NAALADL2: variants seen among roughly 807,000 people sequenced by gnomAD.
NAALADL2 encodes inactive N-acetylated-alpha-linked acidic dipeptidase-like protein 2.
A neutral mutation model predicts 87.2 loss-of-function variants in NAALADL2; 76 were observed. The observed-to-expected ratio is 0.87, with a 90% confidence interval of 0.72 to 1.05. The LOEUF (loss-of-function observed/expected upper bound fraction) is 1.05. Ranked by LOEUF, NAALADL2 falls within the 50% of genes least tolerant of loss-of-function variation. The pLI is 0.00. For synonymous variants in NAALADL2, 354 were observed against 331.0 expected (o/e 1.07, Z -0.75); for missense variants, 1,089 against 945.8 (o/e 1.15, Z -1.99).
chr3:175,423,207 ATTTTTCTTTTT>A (rs1372745621), intron 5 of NAALADL2, among the ~76,000 whole-genome samples: 2 of 138,472 alleles, frequency 1.4e-5, no homozygotes, highest in African/African-American at 5.4e-5. Context: ...AGAAGAATTT[ATTTTTCTTTTT>A]TTTTTCTTTT....
intron 4 of NAALADL2, among the ~76,000 whole-genome samples, chr3:175,259,155 C>A (rs1750587304): frequency 6.6e-6 from 1 of 152,162 alleles, no homozygotes; most frequent in South Asian, 2.1e-4. Flanking sequence ...TTCCATAGGA[C>A]AAGCACAGTA....
intron 2 of NAALADL2, among the ~76,000 whole-genome samples, chr3:175,123,036 A>T (rs754243613): frequency 2.6e-5 from 4 of 151,966 alleles, no homozygotes; most frequent in Non-Finnish European, 5.9e-5. Context: ...AATGACATTA[A>T]TCCATTTATG....
intron 1 of NAALADL2, among the ~76,000 whole-genome samples, chr3:174,961,368 T>G (rs1414598638): frequency 2.0e-5 from 3 of 151,942 alleles, no homozygotes; most frequent in African/African-American, 4.8e-5. Flanking sequence ...CAATCTTGAT[T>G]CTTTATAATA....
chr3:175,299,656 C>T (rs556901171), intron 4 of NAALADL2, among the ~76,000 whole-genome samples: 1 of 152,262 alleles, frequency 6.6e-6, no homozygotes, highest in East Asian at 1.9e-4. Context: ...TATCCTGAGA[C>T]TTTAGTGAAG....
In NAALADL2 at chr3:175,332,126, T is replaced by C. The variant is rs560998859; in HGVS notation, c.1090+7801T>C. 4.7e-4 allele frequency among the ~76,000 whole-genome samples: 72 copies of C among 152,264 alleles called. 1 individual carries two copies. The highest frequency in any genetic ancestry group is 4.0e-3 in the Admixed American group (61 of 15,298). Reference sequence around the variant, plus strand: ...ATCTTGTGCTCATGGACTGGAATAATTAATATTCTTAAAATGACCAAACTG... The same window carrying C: ...ATCTTGTGCTCATGGACTGGAATAACTAATATTCTTAAAATGACCAAACTG... On this transcript the variant is annotated intron_variant, in intron 5 of 13. Coordinates refer to ENST00000454872, the MANE Select transcript of NAALADL2 (RefSeq NM_207015.3).
chr3:174,523,825 T>C (rs377435842), intron 1 of NAALADL2, among the ~76,000 whole-genome samples: 263 of 152,358 alleles, frequency 1.7e-3, no homozygotes, highest in African/African-American at 5.7e-3. Context: ...AACGTAATTA[T>C]GTGTCTTATT....
intron 3 of NAALADL2, among the ~76,000 whole-genome samples, chr3:174,836,447 G>A (rs181715591): frequency 6.2e-4 from 95 of 152,172 alleles, no homozygotes; most frequent in African/African-American, 2.1e-3. Flanking sequence ...GAACTCTGCA[G>A]TTAAAAATGC....
intron 1 of NAALADL2, among the ~76,000 whole-genome samples, chr3:174,941,531 G>C (rs1738591042): frequency 6.6e-6 from 1 of 152,088 alleles, no homozygotes; most frequent in African/African-American, 2.4e-5. Context: ...CCAATAGTGA[G>C]TTCGGGTCCT....
intron 9 of NAALADL2, among the ~76,000 whole-genome samples, chr3:175,498,947 T>C (rs1419824983): frequency 6.6e-6 from 1 of 152,166 alleles, no homozygotes; most frequent in Admixed American, 6.6e-5. Context: ...TTATTAATTT[T>C]ACTTAAAACC....
At chr3:175,237,824 G>A (rs538348173) in intron 3 of NAALADL2, among the ~76,000 whole-genome samples, 1 of 152,082 alleles carries the variant, frequency 6.6e-6, no homozygotes, top group South Asian at 2.1e-4. Flanking sequence ...ACAGCATATG[G>A]GACAATTGGG....
intron 2 of NAALADL2, among the ~76,000 whole-genome samples, chr3:174,633,537 G>A (rs1578380632): frequency 6.6e-6 from 1 of 152,294 alleles, no homozygotes; most frequent in East Asian, 1.9e-4. Context: ...ATAACAGATA[G>A]CTAGAACAGG....
chr3:174,809,991 C>T (rs1268729200), intron 3 of NAALADL2, among the ~76,000 whole-genome samples: 1 of 152,110 alleles, frequency 6.6e-6, no homozygotes, highest in Non-Finnish European at 1.5e-5. Context: ...GTGGAAGATG[C>T]CTGCTCCTGC....
chr3:174,486,889 T>C (rs1283141872), intron 1 of NAALADL2, among the ~76,000 whole-genome samples: 1 of 152,030 alleles, frequency 6.6e-6, no homozygotes, highest in Non-Finnish European at 1.5e-5. Context: ...CACATACATA[T>C]GAATACCTAG....
At chr3:174,698,463 G>A (rs1415467326) in intron 2 of NAALADL2, among the ~76,000 whole-genome samples, 1 of 152,086 alleles carries the variant, frequency 6.6e-6, no homozygotes, top group Non-Finnish European at 1.5e-5. Context: ...AGTCTACAAT[G>A]TAATTATCAA....
chr3:175,313,400 A>C (rs528493231), intron 4 of NAALADL2, among the ~76,000 whole-genome samples: 17 of 152,204 alleles, frequency 1.1e-4, no homozygotes, highest in Non-Finnish European at 2.2e-4. Context: ...TTTTCTAGCT[A>C]TAGAGGCCAG....
chr3:174,787,687 A>G (rs967673529), intron 3 of NAALADL2, among the ~76,000 whole-genome samples: 4 of 143,748 alleles, frequency 2.8e-5, no homozygotes, highest in East Asian at 2.0e-4. Context: ...ACTTTTTGAA[A>G]TAAAGAAAAG....
intron 2 of NAALADL2, among the ~76,000 whole-genome samples, chr3:175,155,036 A>T (rs1199149892): frequency 1.3e-5 from 2 of 152,130 alleles, no homozygotes; most frequent in Admixed American, 1.3e-4. Flanking sequence ...TCTCATGGGG[A>T]TATTACAAAT....
chr3:175,572,624 C>T (rs1457988840), intron 9 of NAALADL2, among the ~76,000 whole-genome samples: 1 of 151,894 alleles, frequency 6.6e-6, no homozygotes, highest in East Asian at 1.9e-4. Flanking sequence ...TTAAAAGAAA[C>T]CATGGAAATG....
intron 1 of NAALADL2, among the ~76,000 whole-genome samples, chr3:174,938,162 C>T (rs758932609): frequency 6.6e-6 from 1 of 151,974 alleles, no homozygotes; most frequent in Non-Finnish European, 1.5e-5. Context: ...CTTTTCTGCT[C>T]CTCTCCTTCC....
Sources: allele counts gnomAD v4.1 joint callset (sites outside exome capture counted in the v4.1 genomes callset), GRCh38; gene constraint gnomAD v4.1.1; transcripts MANE v1.5; gene names NCBI Gene and HGNC (gene_info 2026-07-23, HGNC 2026-07-21).